The following RIN2 variants were observed in gnomAD, a reference collection of about 807,000 sequenced individuals.
RIN2 encodes the protein RAB5 interacting protein 2.
A neutral mutation model predicts 78.0 loss-of-function variants in RIN2; 36 were observed. The ratio of observed to expected loss-of-function variants is 0.46; its 90% CI spans 0.35 to 0.61. The LOEUF (loss-of-function observed/expected upper bound fraction) is 0.61, where lower values mean the gene tolerates loss of function less well. RIN2 is among the 20% of genes least tolerant of loss of function. The pLI is 0.00. For synonymous variants in RIN2, 466 were observed against 466.8 expected (o/e 1.00, Z 0.02); for missense variants, 1,087 against 1,159.7 (o/e 0.94, Z 0.91).
chr20:19,829,881 T>G (rs927189328), intron 2 of RIN2, among the ~76,000 whole-genome samples: 1 of 152,232 alleles, frequency 6.6e-6, no homozygotes, highest in Non-Finnish European at 1.5e-5. Context: ...TGACTCTGTC[T>G]CATTCCCTGC....
In RIN2 at chr20:20,000,496, A is replaced by G. The variant is rs2043110262; in HGVS notation, c.2365-117A>G. 5.0e-6 allele frequency: 4 copies of G among 795,408 alleles called. No individual in the cohort carries two copies. In the South Asian group the frequency reaches 7.5e-5, roughly 15 times the overall value. The allele number at this position is 795,408 out of a possible 1,614,324, so 49.3% of individuals were successfully genotyped here. On this transcript the variant is annotated intron_variant, in intron 12 of 12. Coordinates refer to ENST00000255006, the MANE Select transcript of RIN2 (RefSeq NM_018993.4). ...GAAGCCTCGTGGCCTGACATCGGAC[A>G]TTATGACAGGAAAGGGCCTGGAAAT... is the stretch of plus-strand genomic sequence containing the variant.
intron 12 of RIN2, among the ~76,000 whole-genome samples, chr20:19,999,910 A>T (rs562038274): frequency 9.2e-5 from 14 of 152,372 alleles, no homozygotes; most frequent in South Asian, 2.1e-4. Flanking sequence ...GCCTTGTATT[A>T]GATTGAACTA....
chr20:19,912,732 G>A (rs2039528591), intron 3 of RIN2, among the ~76,000 whole-genome samples: 1 of 152,252 alleles, frequency 6.6e-6, no homozygotes, highest in South Asian at 2.1e-4. Context: ...ACTCGCCTCA[G>A]CCTCCCAAAG....
At chr20:19,784,654 C>T (rs978456326) in intron 1 of RIN2, among the ~76,000 whole-genome samples, 4 of 152,140 alleles carry the variant, frequency 2.6e-5, no homozygotes, top group African/African-American at 4.8e-5. Flanking sequence ...CTTCAAATTT[C>T]CTGTAAGTAG....
chr20:19,922,812 C>T (rs1358219980), intron 3 of RIN2, among the ~76,000 whole-genome samples: 2 of 152,170 alleles, frequency 1.3e-5, no homozygotes, highest in Non-Finnish European at 2.9e-5. Context: ...ATGCATTCTG[C>T]CACCTGGACC....
chr20:19,978,502 CCTTTCTAGCA>C (rs2042352195), intron 9 of RIN2, among the ~76,000 whole-genome samples: 1 of 152,208 alleles, frequency 6.6e-6, no homozygotes, highest in South Asian at 2.1e-4. Flanking sequence ...GTGTCACTAT[CCTTTCTAGCA>C]CTTTCTAGAC....
chr20:19,867,711 T>C (rs566634171), intron 2 of RIN2, among the ~76,000 whole-genome samples: 1 of 152,242 alleles, frequency 6.6e-6, no homozygotes, highest in South Asian at 2.1e-4. Context: ...TGTGGCAGGT[T>C]TGTTTTATTC....
chr20:19,788,630 A>G (rs1265301801), intron 1 of RIN2, among the ~76,000 whole-genome samples: 3 of 151,622 alleles, frequency 2.0e-5, no homozygotes, highest in Non-Finnish European at 2.9e-5. Context: ...TAAAATTGCC[A>G]TTACTCAGGA....
chr20:19,774,661 C>G (rs903105828), intron 1 of RIN2, among the ~76,000 whole-genome samples: 5 of 152,202 alleles, frequency 3.3e-5, no homozygotes, highest in African/African-American at 4.8e-5. Flanking sequence ...TTGTCAGGCA[C>G]TGAACAGGCA....
At chr20:19,969,442 C>G (rs772408600) in intron 7 of RIN2, among the ~76,000 whole-genome samples, 39 of 152,178 alleles carry the variant, frequency 2.6e-4, no homozygotes, top group Non-Finnish European at 4.7e-4. Flanking sequence ...GATTTAACCC[C>G]TGGCCACCAT....
At chr20:19,824,045 G>T in intron 2 of RIN2, 1 of 681,512 alleles carries the variant, frequency 1.5e-6, no homozygotes, top group Non-Finnish European at 2.5e-6. Context: ...TGCTCTGCCT[G>T]CTTCTATGGC....
intron 1 of RIN2, among the ~76,000 whole-genome samples, chr20:19,761,293 T>C (rs2033631145): frequency 6.6e-6 from 1 of 152,224 alleles, no homozygotes; most frequent in South Asian, 2.1e-4. Context: ...CTCCATGCAG[T>C]GTATGTACAG....
intron 7 of RIN2, among the ~76,000 whole-genome samples, chr20:19,966,472 C>A (rs975374972): frequency 4.6e-5 from 7 of 152,132 alleles, no homozygotes; most frequent in African/African-American, 1.7e-4. Flanking sequence ...TACAGGCATG[C>A]ACCACCATGC....
At chr20:19,984,975 T>A (rs6046512) in intron 9 of RIN2, among the ~76,000 whole-genome samples, 1 of 152,050 alleles carries the variant, frequency 6.6e-6, no homozygotes, top group Non-Finnish European at 1.5e-5. Flanking sequence ...TCTTGCCTTC[T>A]GTGGACAATG....
chr20:19,957,541 G>C (rs1375835331), intron 5 of RIN2, among the ~76,000 whole-genome samples: 1 of 152,194 alleles, frequency 6.6e-6, no homozygotes, highest in Non-Finnish European at 1.5e-5. Context: ...GCCCGGTGTG[G>C]TGGCACACGC....
chr20:19,984,997 T>C (rs6046513), intron 9 of RIN2, among the ~76,000 whole-genome samples: 59,559 of 152,068 alleles, frequency 0.39, 14,049 homozygotes, highest in East Asian at 0.72. Flanking sequence ...TTCTGATGGC[T>C]GTCCAGACAG....
chr20:19,866,962 G>C (rs1197958497), intron 2 of RIN2, among the ~76,000 whole-genome samples: 2 of 151,926 alleles, frequency 1.3e-5, no homozygotes, highest in East Asian at 3.9e-4. Flanking sequence ...TTAGTGTTTT[G>C]CTGTGCGAAA....
intron 2 of RIN2, among the ~76,000 whole-genome samples, chr20:19,819,960 CACACAA>C (rs1239690058): frequency 6.6e-6 from 1 of 152,186 alleles, no homozygotes; most frequent in Non-Finnish European, 1.5e-5. Flanking sequence ...TTCTCAAAGT[CACACAA>C]ATGCAAATGC....
chr20:19,956,490 A>T, intron 4 of RIN2, 125 bp from the exon 5 acceptor site: 2 of 771,714 alleles, frequency 2.6e-6, no homozygotes, highest in Non-Finnish European at 4.3e-6. Flanking sequence ...GAAGATGATT[A>T]AGGGGGCGAT....
Sources: allele counts gnomAD v4.1 joint callset (sites outside exome capture counted in the v4.1 genomes callset), GRCh38; gene constraint gnomAD v4.1.1; transcripts MANE v1.5; gene names NCBI Gene and HGNC (gene_info 2026-07-23, HGNC 2026-07-21).